The following RPL36 variants were observed in gnomAD, a reference collection of about 807,000 sequenced individuals.
RPL36 encodes large ribosomal subunit protein eL36.
For synonymous variants in RPL36, 74 were observed against 56.0 expected (o/e 1.32, Z -1.44); for missense variants, 131 against 144.9 (o/e 0.90, Z 0.49).
intron 2 of RPL36, 73 bp downstream of exon 2, chr19:5,690,673 C>A: frequency 7.9e-7 from 1 of 1,261,902 alleles, no homozygotes; most frequent in South Asian, 1.3e-5. Context: ...GGCAAAGGCT[C>A]TCGACCTGAA....
intron 2 of RPL36, chr19:5,690,847 G>C (rs1486001026): frequency 3.4e-6 from 2 of 584,086 alleles, no homozygotes; most frequent in Non-Finnish European, 6.1e-6. Context: ...GCGGCGCGGG[G>C]CAGCGGGTTT....
At chr19:5,691,264 C>G (rs1448288302) in intron 2 of RPL36, 55 bp from the exon 3 acceptor site, 9 of 1,610,624 alleles carry the variant, frequency 5.6e-6, no homozygotes, top group Non-Finnish European at 7.6e-6. Flanking sequence ...AGAGAAGCTG[C>G]TTAACTAGAA....
chr19:5,690,585 C>T lies in RPL36; in HGVS notation c.78C>T (p.His26=), dbSNP rs2054804138. The T allele has an allele frequency of 6.4e-7, 1 of 1,567,816 alleles. No individual in the cohort carries two copies. The highest frequency in any genetic ancestry group is 8.6e-7 in the Non-Finnish European group (1 of 1,157,052). ...KVTKNVSKPR[H]SRRRGRLTKH... ...CCAAGAACGTGAGCAAGCCCAGGCA[C>T]AGCCGACGCCGCGGGGTGAGTGCGG... The change falls in exon 2 of 4, where the codon CAC becomes CAT. Residue 26 remains histidine (H), a synonymous_variant. Coordinates refer to ENST00000347512, the MANE Select transcript of RPL36 (RefSeq NM_033643.3).
At position 5,691,564 on chromosome 19, in the gene RPL36, G is replaced by A. The variant is rs1021449338; in HGVS notation, c.261G>A (p.Arg87=). The change falls in exon 4 of 4, where the codon CGG becomes CGA. Residue 87 remains arginine, a synonymous_variant. Coordinates refer to ENST00000347512, the MANE Select transcript of RPL36 (RefSeq NM_033643.3). ...VGTHIRAKRK[R]EELSNVLAAM... The stretch of plus-strand genomic sequence containing the variant: ...CGCACATCCGCGCCAAGAGGAAGCG[G>A]GAGGAGCTGAGCAACGTACTGGCCG... 3.1e-6 allele frequency: 5 copies of A among 1,611,582 alleles called. No homozygotes were observed. Among genetic ancestry groups the A allele is most frequent in the South Asian group, 1.1e-5 (1 of 91,004 alleles).
chr19:5,691,487 G>T lies in RPL36; in HGVS notation c.228+34G>T, dbSNP rs377382140. The T allele has an allele frequency of 2.0e-5, 32 of 1,607,778 alleles. No homozygotes were observed. In the African/African-American group the frequency reaches 4.3e-4, roughly 21 times the overall value. On this transcript the variant is annotated intron_variant, in intron 3 of 3. Transcript: ENST00000347512. ...GCGCTGCCGGCCGAGGGGCGGGGTGGGATGGGAGTCAGGGCCGGGCTGACG... is the reference window on the plus strand; with the variant it reads ...GCGCTGCCGGCCGAGGGGCGGGGTGTGATGGGAGTCAGGGCCGGGCTGACG...
In RPL36 at chr19:5,691,811, GGCA is replaced by G. The variant is rs2054826202; in HGVS notation, c.*195_*197del. On this transcript the variant is annotated 3_prime_UTR_variant, in exon 4 of 4. Coordinates refer to ENST00000347512, the MANE Select transcript of RPL36 (RefSeq NM_033643.3). The stretch of plus-strand genomic sequence containing the variant: ...GCCGTGGCCCGCCCACCCTTCCCGG[GGCA>G]GCAGGTGAGGAAGCCGCCGTACTGC... 2.4e-6 allele frequency: 2 copies of G among 817,910 alleles called. No homozygotes were observed. The highest frequency in any genetic ancestry group is 1.7e-5 in the African/African-American group (1 of 58,822). 50.7% of individuals were successfully genotyped at this position (817,910 alleles called of 1,614,324 possible). A position where few individuals can be genotyped will look rare whatever the true frequency, so the allele number is the denominator to read the frequency against.
Position 5,691,462 on chromosome 19 carries a change from G to T in RPL36, c.228+9G>T. ...AATTTATCAAGAAAAGGGTAGGTGG[G>T]CGCTGCCGGCCGAGGGGCGGGGTGG... On this transcript the variant is annotated intron_variant, in intron 3 of 3. Transcript: ENST00000347512. 4 of 1,609,406 alleles carry T rather than the reference G, an allele frequency of 2.5e-6. No homozygotes were observed. Among genetic ancestry groups the T allele is most frequent in the Non-Finnish European group, 3.4e-6 (4 of 1,176,142 alleles).
Position 5,691,796 on chromosome 19 carries a change from G to T in RPL36, c.*175G>T. On this transcript the variant is annotated 3_prime_UTR_variant, in exon 4 of 4. Transcript: ENST00000347512. ...GGTCGTGAATCAAAAGCCGTGGCCC[G>T]CCCACCCTTCCCGGGGCAGCAGGTG... 1.2e-6 allele frequency: 1 copy of T among 858,036 alleles called. No individual in the cohort carries two copies. The highest frequency in any genetic ancestry group is 1.8e-6 in the Non-Finnish European group (1 of 549,196). The allele number at this position is 858,036 out of a possible 1,614,324, so 53.2% of individuals were successfully genotyped here. A position where few individuals can be genotyped will look rare whatever the true frequency, so the allele number is the denominator to read the frequency against.
intron 2 of RPL36, 93 bp downstream of exon 2, chr19:5,690,693 G>A (rs951272019): frequency 9.6e-6 from 10 of 1,045,996 alleles, no homozygotes; most frequent in African/African-American, 1.6e-5. Context: ...AAGAACGCGC[G>A]TTCGGGCGCA....
At chr19:5,690,940 T>G (rs2054809235) in intron 2 of RPL36, 1 of 533,584 alleles carries the variant, frequency 1.9e-6, no homozygotes, top group Non-Finnish European at 3.4e-6. Context: ...TTCAGGTGTG[T>G]CAGTGTATTG....
At chr19:5,691,024 C>T (rs946466406) in intron 2 of RPL36, 2 of 554,014 alleles carry the variant, frequency 3.6e-6, no homozygotes, top group South Asian at 2.1e-5. Flanking sequence ...GGAGCTGGCC[C>T]GAGGTTGCGG....
chr19:5,691,197 G>T, intron 2 of RPL36, 122 bp from the exon 3 acceptor site: 1 of 1,446,366 alleles, frequency 6.9e-7, no homozygotes, highest in Non-Finnish European at 9.7e-7. Flanking sequence ...TTAATACCTT[G>T]GTTCTCACAG....
At chr19:5,691,156 C>T in intron 2 of RPL36, 163 bp from the exon 3 acceptor site, 1 of 942,912 alleles carries the variant, frequency 1.1e-6, no homozygotes, top group Non-Finnish European at 1.6e-6. Flanking sequence ...AGGATGGGAG[C>T]TGCTCCGGGC....
Position 5,691,722 on chromosome 19 carries a change from T to C in RPL36, c.*101T>C. 8.0e-7 allele frequency: 1 copy of C among 1,255,398 alleles called. No individual in the cohort carries two copies. Among genetic ancestry groups the C allele is most frequent in the Non-Finnish European group, 1.1e-6 (1 of 883,880 alleles). 77.8% of individuals were successfully genotyped at this position (1,255,398 alleles called of 1,614,324 possible). On this transcript the variant is annotated 3_prime_UTR_variant, in exon 4 of 4. Coordinates refer to ENST00000347512, the MANE Select transcript of RPL36 (RefSeq NM_033643.3). ...GTGTGGGTGTGTCGGGGGCCCGCAG[T>C]CCCCTGTCTGGTGCCCGCTCTGAGC...
chr19:5,690,375 G>A (rs893367161), intron 1 of RPL36, 48 bp downstream of exon 1: 4 of 735,142 alleles, frequency 5.4e-6, no homozygotes, highest in African/African-American at 5.2e-5. Flanking sequence ...CCGGACTCCC[G>A]GGTCCTCTGT....
At position 5,691,398 on chromosome 19, in the gene RPL36, T is replaced by C; in HGVS notation, c.173T>C (p.Met58Thr). The C allele has an allele frequency of 6.2e-7, 1 of 1,613,882 alleles. No homozygotes were observed. The highest frequency in any genetic ancestry group is 8.5e-7 in the Non-Finnish European group (1 of 1,180,018). ...CGFAPYERRAMELLKVSKDKR... is the reference protein window; with the variant it reads ...CGFAPYERRATELLKVSKDKR... The stretch of plus-strand genomic sequence containing the variant: ...TTTGCCCCGTACGAGCGGCGCGCCA[T>C]GGAGTTACTGAAGGTCTCCAAGGAC... The change falls in exon 3 of 4, where the codon ATG (methionine) becomes ACG (threonine). Residue 58 changes from methionine to threonine, a missense_variant. By Grantham distance (81) the Met-to-Thr change is moderately conservative. Transcript: ENST00000347512.
At chr19:5,691,185 C>A in intron 2 of RPL36, 134 bp from the exon 3 acceptor site, 1 of 1,319,962 alleles carries the variant, frequency 7.6e-7, no homozygotes, top group South Asian at 1.2e-5. Flanking sequence ...AAGCGCTAGG[C>A]GTTAATACCT....
Position 5,691,641 on chromosome 19 carries a change from C to T in RPL36, c.*20C>T, listed in dbSNP as rs1380847574. ...GACTGAGCCCCTCCCCTGCCCTCTC[C>T]CTGAAATAAAGAACAGCTTGACAGA... On this transcript the variant is annotated 3_prime_UTR_variant, in exon 4 of 4. Coordinates refer to ENST00000347512, the MANE Select transcript of RPL36 (RefSeq NM_033643.3). The T allele has an allele frequency of 1.1e-5, 18 of 1,589,880 alleles. No homozygotes were observed. The highest frequency in any genetic ancestry group is 1.5e-5 in the Non-Finnish European group (18 of 1,169,130).
At chr19:5,691,048 G>A (rs1284306645) in intron 2 of RPL36, 2 of 573,318 alleles carry the variant, frequency 3.5e-6, no homozygotes, top group Non-Finnish European at 6.2e-6. Context: ...GTGAGGTTGA[G>A]GGATTTCAGG....
Sources: allele counts gnomAD v4.1 joint callset, GRCh38; gene constraint gnomAD v4.1.1; transcripts MANE v1.5; gene names NCBI Gene and HGNC (gene_info 2026-07-23, HGNC 2026-07-21).